The following CC2D2B variants were observed in gnomAD, a reference collection of about 807,000 sequenced individuals.
CC2D2B encodes protein CC2D2B.
Under a neutral mutation model 161.2 loss-of-function variants are expected in CC2D2B, and 128 were observed. The observed-to-expected ratio is 0.79, with a 90% CI of 0.69 to 0.92. CC2D2B has a LOEUF of 0.92. CC2D2B is among the 40% of genes least tolerant of loss of function. The probability of loss-of-function intolerance (pLI) is 0.00; values close to 1 mark genes in which losing one functional copy is unlikely to be tolerated. For missense variants in CC2D2B, 1,173 were observed against 1,375.1 expected (o/e 0.85, Z 2.32); for synonymous variants, 391 against 449.8 (o/e 0.87, Z 1.65).
At chr10:95,910,117 C>T (rs541457225) in intron 1 of CC2D2B, among the ~76,000 whole-genome samples, 2 of 152,206 alleles carry the variant, frequency 1.3e-5, no homozygotes, top group South Asian at 4.1e-4. Flanking sequence ...CATCATGCCA[C>T]TGCACTTCAG....
chr10:95,947,078 C>CAAAAAAA (rs368168752), intron 9 of CC2D2B, among the ~76,000 whole-genome samples: 35 of 52,094 alleles, frequency 6.7e-4, no homozygotes, highest in East Asian at 2.0e-3. Context: ...ATAGTGGACT[C>CAAAAAAA]AAAAATATAT....
chr10:95,919,991 C>T (rs1228458960), intron 2 of CC2D2B: 1 of 151,718 alleles, frequency 6.6e-6, no homozygotes, highest in Non-Finnish European at 1.5e-5. Context: ...GATGTTTATT[C>T]AAGGCCCAAG....
rs1297977316 is a variant in CC2D2B at position 95,947,082 on chromosome 10, A to AATATATATAT, written c.802-2791_802-2782dup. Among the ~76,000 whole-genome samples, 50 of 39,486 alleles carry AATATATATAT rather than the reference A, an allele frequency of 1.3e-3. 1 individual carries two copies. Among genetic ancestry groups the AATATATATAT allele is most frequent in the African/African-American group, 1.9e-3 (21 of 11,250 alleles). 25.9% of individuals were successfully genotyped at this position (39,486 alleles called of 152,430 possible). ...ATAAATTCCAAATAGTGGACTCAAAAATATATATATATATATATATATATA... is the reference window on the plus strand; with the variant it reads ...ATAAATTCCAAATAGTGGACTCAAAAATATATATATATATATATATATATATATATATATA... On this transcript the variant is annotated intron_variant, in intron 9 of 34. Coordinates refer to ENST00000646931, the MANE Select transcript of CC2D2B (RefSeq NM_001349008.3).
intron 22 of CC2D2B, among the ~76,000 whole-genome samples, chr10:95,993,900 ATGTGTGTGTGTG>A (rs1270650458): frequency 5.0e-4 from 20 of 40,076 alleles, no homozygotes; most frequent in African/African-American, 9.6e-4. Context: ...GAGAGAGAGA[ATGTGTGTGTGTG>A]TGTGTGTGTG....
At chr10:95,947,324 G>A (rs1398100442) in intron 9 of CC2D2B, among the ~76,000 whole-genome samples, 9 of 150,968 alleles carry the variant, frequency 6.0e-5, no homozygotes, top group African/African-American at 2.2e-4. Flanking sequence ...TGTTGGCCAG[G>A]CTGGTCTCGA....
In CC2D2B at chr10:96,032,758, A is replaced by G. The variant is rs1405342434; in HGVS notation, c.*750A>G. The stretch of plus-strand genomic sequence containing the variant: ...ACATGAAATTCTTACAGCTCCATGT[A>G]TTTGGAAGGAACTCCCAGGAAACTC... On this transcript the variant is annotated 3_prime_UTR_variant, in exon 35 of 35. Coordinates refer to ENST00000646931, the MANE Select transcript of CC2D2B (RefSeq NM_001349008.3). The G allele has an allele frequency of 2.1e-6, 1 of 469,282 alleles. No homozygotes were observed. Among genetic ancestry groups the G allele is most frequent in the South Asian group, 1.6e-5 (1 of 64,156 alleles). 29.1% of individuals were successfully genotyped at this position (469,282 alleles called of 1,614,324 possible).
chr10:95,925,664 T>G (rs1590365797), intron 5 of CC2D2B, among the ~76,000 whole-genome samples: 1 of 152,340 alleles, frequency 6.6e-6, no homozygotes, highest in Middle Eastern at 3.4e-3. Flanking sequence ...GTGTTTTCAT[T>G]AAGATAGAAG....
chr10:95,955,312 C>T, intron 10 of CC2D2B, 82 bp from the exon 11 acceptor site: 2 of 396,284 alleles, frequency 5.0e-6, no homozygotes, highest in Non-Finnish European at 8.9e-6. Flanking sequence ...GGCTGCTGCA[C>T]ACACCTTGAC....
chr10:96,024,901 C>G lies in CC2D2B; in HGVS notation c.3937C>G (p.Leu1313Val), dbSNP rs760975451. 5 of 1,529,458 alleles carry G rather than the reference C, an allele frequency of 3.3e-6. No homozygotes were observed. Among genetic ancestry groups the G allele is most frequent in the Non-Finnish European group, 4.4e-6 (5 of 1,128,368 alleles). 94.7% of individuals were successfully genotyped at this position (1,529,458 alleles called of 1,614,324 possible). Residue 1313 changes from leucine to valine, a missense_variant, in exon 33 of 35, where the codon CTA becomes GTA. Leu to Val is a conservative substitution (Grantham distance 32). Around this residue, in one of 3 missense-constraint regions of CC2D2B, gnomAD observed 598 missense variants for 693.2 expected, o/e 0.86. Transcript: ENST00000646931. ...AACTGATAAAAGCATGGTAGAAGAT[C>G]TAAGGAATAGGTACTGTGTTTTCCC... ...FETDKSMVED[L>V]RNRIERTLKS...
chr10:96,012,398 T>TAC (rs1168483079), intron 27 of CC2D2B, 31 bp downstream of exon 27: 2 of 689,090 alleles, frequency 2.9e-6, no homozygotes, highest in Non-Finnish European at 5.1e-6. Context: ...CTTTTATATA[T>TAC]ACCATCAAAG....
At chr10:95,954,541 CTTG>C (rs1175396899) in intron 10 of CC2D2B, among the ~76,000 whole-genome samples, 5 of 152,082 alleles carry the variant, frequency 3.3e-5, no homozygotes, top group African/African-American at 7.2e-5. Flanking sequence ...CAAGTGCCTC[CTTG>C]TTGTTCTTTT....
chr10:95,930,980 C>G (rs555464232), intron 6 of CC2D2B, among the ~76,000 whole-genome samples: 7 of 152,112 alleles, frequency 4.6e-5, no homozygotes, highest in Non-Finnish European at 8.8e-5. Flanking sequence ...CTCTTTGTAT[C>G]TCTGGTAGAA....
chr10:96,025,171 ATATATATATATAT>A (rs1159926780), intron 33 of CC2D2B, among the ~76,000 whole-genome samples: 1,919 of 24,818 alleles, frequency 0.077, 106 homozygotes, highest in Non-Finnish European at 0.1. Flanking sequence ...ATATATATAT[ATATATATATATAT>A]AAAAAAAAAT....
chr10:95,950,859 G>A (rs1055233522), intron 10 of CC2D2B, among the ~76,000 whole-genome samples: 2 of 151,066 alleles, frequency 1.3e-5, no homozygotes, highest in Non-Finnish European at 1.5e-5. Flanking sequence ...TTGCTCTGTC[G>A]CCGAGGCTAG....
chr10:95,967,299 T>C (rs1398296557), intron 14 of CC2D2B, among the ~76,000 whole-genome samples: 3 of 151,902 alleles, frequency 2.0e-5, no homozygotes, highest in Admixed American at 6.6e-5. Context: ...AGGGGAAGAA[T>C]ACAGGAGCCA....
At chr10:95,982,671 T>C (rs2077572265) in intron 18 of CC2D2B, among the ~76,000 whole-genome samples, 1 of 152,232 alleles carries the variant, frequency 6.6e-6, no homozygotes, top group African/African-American at 2.4e-5. Context: ...TTTTCTTTCC[T>C]TGCTTTCCTG....
chr10:95,980,448 A>G (rs1351188761), intron 17 of CC2D2B, among the ~76,000 whole-genome samples: 1 of 152,172 alleles, frequency 6.6e-6, no homozygotes, highest in African/African-American at 2.4e-5. Context: ...GTTAAAGGAT[A>G]TAACGGGAAA....
chr10:95,924,188 T>C lies in CC2D2B; in HGVS notation c.98-126T>C, dbSNP rs1348188680. ...AAGCTCTCATAAGATAATAACCTAG[T>C]TTTCATAATTGTCATGAGGCTTAGA... is the stretch of plus-strand genomic sequence containing the variant. On this transcript the variant is annotated intron_variant, in intron 3 of 34. Coordinates refer to ENST00000646931, the MANE Select transcript of CC2D2B (RefSeq NM_001349008.3). 1.2e-5 allele frequency: 6 copies of C among 493,516 alleles called. No homozygotes were observed. The East Asian group carries it at 1.4e-4, about 12-fold the overall frequency. 30.6% of individuals were successfully genotyped at this position (493,516 alleles called of 1,614,324 possible).
At chr10:95,909,937 A>C (rs112881295) in intron 1 of CC2D2B, among the ~76,000 whole-genome samples, 214 of 152,288 alleles carry the variant, frequency 1.4e-3, no homozygotes, top group African/African-American at 5.0e-3. Flanking sequence ...GCTTGAGGCC[A>C]AGAGTTTGAG....
Sources: allele counts gnomAD v4.1 joint callset (sites outside exome capture counted in the v4.1 genomes callset), GRCh38; gene constraint gnomAD v4.1.1; regional missense constraint gnomAD v4.1.1; transcripts MANE v1.5; gene names NCBI Gene and HGNC (gene_info 2026-07-23, HGNC 2026-07-21).